Variants in PRSS55 observed in about 807,000 individuals in gnomAD.
PRSS55 encodes serine protease 55.
A neutral mutation model predicts 23.6 loss-of-function variants in PRSS55; 41 were observed. That is an observed-to-expected ratio of 1.74 (90% CI 1.35 to 2.26). PRSS55 has a LOEUF of 2.26. Among genes scored for constraint, PRSS55 ranks in the 30% most tolerant of loss-of-function variants. The pLI, the probability that PRSS55 is intolerant of heterozygous loss-of-function variation, is 0.00. For missense variants in PRSS55, 669 were observed against 439.1 expected, an observed-to-expected ratio of 1.52 and a Z score of -4.68; for synonymous variants, 262 against 175.5, an observed-to-expected ratio of 1.49 and a Z score of -3.90.
intron 4 of PRSS55, among the ~76,000 whole-genome samples, chr8:10,537,335 AACTGGAG>A (rs1812491328): frequency 6.6e-6 from 1 of 152,250 alleles, no homozygotes; most frequent in African/African-American, 2.4e-5. Flanking sequence ...GCATGTATAG[AACTGGAG>A]GACATTACAT....
At chr8:10,552,814 T>C (rs906159817) in intron 4 of PRSS55, among the ~76,000 whole-genome samples, 1 of 152,108 alleles carries the variant, frequency 6.6e-6, no homozygotes, top group Non-Finnish European at 1.5e-5. Flanking sequence ...TTGTACTCCA[T>C]TGGTAGGAAT....
intron 1 of PRSS55, among the ~76,000 whole-genome samples, chr8:10,527,199 C>T (rs1005796393): frequency 1.6e-4 from 25 of 152,210 alleles, no homozygotes; most frequent in Admixed American, 1.6e-3. Flanking sequence ...GCCCCATGAG[C>T]CTAACTTTGT....
chr8:10,531,625 G>A (rs1343114766), intron 3 of PRSS55, 80 bp downstream of exon 3: 18 of 1,560,832 alleles, frequency 1.2e-5, no homozygotes, highest in Middle Eastern at 2.2e-4. Flanking sequence ...GAAGGAGTGA[G>A]GACAAGACTT....
At chr8:10,526,460 T>C (rs1812026847) in intron 1 of PRSS55, among the ~76,000 whole-genome samples, 1 of 152,228 alleles carries the variant, frequency 6.6e-6, no homozygotes, top group South Asian at 2.1e-4. Context: ...CCTGGCCTCC[T>C]TCAGTCCAGC....
At chr8:10,533,309 G>A (rs1396101945) in intron 4 of PRSS55, among the ~76,000 whole-genome samples, 4 of 152,184 alleles carry the variant, frequency 2.6e-5, no homozygotes, top group African/African-American at 9.7e-5. Flanking sequence ...AGGACGCCAA[G>A]GCTTTTCTCA....
downstream of PRSS55, chr8:10,540,612 T>A (rs1051241921): frequency 6.6e-5 from 10 of 151,948 alleles, no homozygotes; most frequent in African/African-American, 2.2e-4. Flanking sequence ...CCAATCGGGA[T>A]CCTGAGGCAG....
intron 4 of PRSS55, among the ~76,000 whole-genome samples, chr8:10,544,520 G>A (rs1249687914): frequency 6.6e-6 from 1 of 152,084 alleles, no homozygotes; most frequent in African/African-American, 2.4e-5. Flanking sequence ...TGTGATCATT[G>A]ATATAGTTTG....
At position 10,531,430 on chromosome 8, in the gene PRSS55, G is replaced by A. The variant is rs1028081316; in HGVS notation, c.483G>A (p.Leu161=). The stretch of plus-strand genomic sequence containing the variant: ...TGGACAATGACATTGCCTTGCTGCT[G>A]CTGGCTTCGCCCATCAAGCTCGATG... ...ANMDNDIALL[L]LASPIKLDDL... The change falls in exon 3 of 5, where the codon CTG becomes CTA. Residue 161 remains leucine, a synonymous_variant. Transcript: ENST00000328655. The A allele has an allele frequency of 1.2e-6, 2 of 1,614,070 alleles. No individual in the cohort carries two copies. The highest frequency in any genetic ancestry group is 2.7e-5 in the African/African-American group (2 of 74,964).
chr8:10,546,886 T>A (rs979783117), intron 4 of PRSS55, among the ~76,000 whole-genome samples: 4 of 151,902 alleles, frequency 2.6e-5, no homozygotes, highest in African/African-American at 9.7e-5. Context: ...CCCCTATGTT[T>A]CCCAGGCTGG....
chr8:10,543,146 A>C (rs1315809549), downstream of PRSS55, among the ~76,000 whole-genome samples: 1 of 152,102 alleles, frequency 6.6e-6, no homozygotes, highest in Non-Finnish European at 1.5e-5. Context: ...GATGTCTTTC[A>C]GGATGGCCCT....
At chr8:10,526,094 C>T (rs1374954408) in intron 1 of PRSS55, among the ~76,000 whole-genome samples, 1 of 152,176 alleles carries the variant, frequency 6.6e-6, no homozygotes, top group Non-Finnish European at 1.5e-5. Context: ...CCCAGGGATG[C>T]CTAGCTCAGT....
intron 2 of PRSS55, among the ~76,000 whole-genome samples, chr8:10,529,913 G>A (rs868641997): frequency 6.6e-6 from 1 of 152,186 alleles, no homozygotes; most frequent in South Asian, 2.1e-4. Flanking sequence ...CAGAGCCAGT[G>A]ACTACAACCT....
chr8:10,530,624 T>C (rs752166569), intron 2 of PRSS55, among the ~76,000 whole-genome samples: 2 of 152,262 alleles, frequency 1.3e-5, no homozygotes, highest in Middle Eastern at 3.4e-3. Flanking sequence ...ATCTAGTATA[T>C]AGAGACAGAA....
intron 4 of PRSS55, among the ~76,000 whole-genome samples, chr8:10,550,470 AAAC>A (rs1402476484): frequency 6.6e-6 from 1 of 152,128 alleles, no homozygotes; most frequent in East Asian, 1.9e-4. Context: ...GCTGTGCCTT[AAAC>A]AACAAGAATT....
intron 4 of PRSS55, among the ~76,000 whole-genome samples, chr8:10,536,807 T>G (rs1812471280): frequency 6.6e-6 from 1 of 152,196 alleles, no homozygotes; most frequent in Admixed American, 6.5e-5. Flanking sequence ...AAGTTGGAAC[T>G]AAATGTTGAA....
In PRSS55 at chr8:10,538,804, G is replaced by C; in HGVS notation, c.*11G>C. 6.5e-7 allele frequency: 1 copy of C among 1,536,764 alleles called. No homozygotes were observed. The highest frequency in any genetic ancestry group is 8.7e-7 in the Non-Finnish European group (1 of 1,144,290). The stretch of plus-strand genomic sequence containing the variant: ...GCTATTTTGTACTGATAATAAAATA[G>C]AGGCTATTCTTTCAACCGAGGGAGG... On this transcript the variant is annotated 3_prime_UTR_variant, in exon 5 of 5. Transcript: ENST00000328655.
chr8:10,534,610 A>T (rs542998394), intron 4 of PRSS55, among the ~76,000 whole-genome samples: 1 of 152,364 alleles, frequency 6.6e-6, no homozygotes, highest in African/African-American at 2.4e-5. Context: ...AGCCAACATT[A>T]TACTGAATGA....
chr8:10,531,171 G>A (rs755320580), intron 2 of PRSS55, 124 bp from the exon 3 acceptor site: 29 of 1,158,966 alleles, frequency 2.5e-5, no homozygotes, highest in Non-Finnish European at 3.3e-5. Flanking sequence ...CTGATCAACA[G>A]CCCCAGTAGG....
At chr8:10,554,109 T>A in exon 5 of PRSS55, 2 of 898,412 alleles carry the variant, frequency 2.2e-6, no homozygotes, top group Non-Finnish European at 3.3e-6. Flanking sequence ...GAGTTGAAAA[T>A]CTTTGAGGGT....
Sources: gnomAD v4.1 joint callset for allele counts (sites outside exome capture counted in the v4.1 genomes callset) on GRCh38, gnomAD v4.1.1 for gene constraint, MANE v1.5 for transcripts, NCBI Gene and HGNC (gene_info 2026-07-23, HGNC 2026-07-21) for gene names.